Variants in SDK1 observed in about 807,000 individuals in gnomAD.
The protein encoded by SDK1 is sidekick cell adhesion molecule 1, also known as protein sidekick-1.
Under a neutral mutation model 245.5 loss-of-function variants are expected in SDK1, and 157 were observed. That is an observed-to-expected ratio of 0.64 (90% CI 0.56 to 0.73). SDK1 has a LOEUF of 0.73. SDK1 is among the 30% of genes least tolerant of loss of function. SDK1 has a pLI of 0.00. For missense variants in SDK1, 3,583 were observed against 3,002.3 expected, an observed-to-expected ratio of 1.19 and a Z score of -4.52; for synonymous variants, 1,647 against 1,278.5, an observed-to-expected ratio of 1.29 and a Z score of -6.15.
At chr7:3,531,848 G>A (rs376429764) in intron 1 of SDK1, among the ~76,000 whole-genome samples, 6 of 152,178 alleles carry the variant, frequency 3.9e-5, no homozygotes, top group South Asian at 4.2e-4. Context: ...AATACTTTGC[G>A]GTTCAGGTAA....
At chr7:4,253,270 T>C (rs1342508455) in intron 44 of SDK1, among the ~76,000 whole-genome samples, 1 of 152,186 alleles carries the variant, frequency 6.6e-6, no homozygotes, top group Non-Finnish European at 1.5e-5. Context: ...ACTTTATGGC[T>C]AAAAATTCCC....
chr7:3,348,659 C>G (rs115457382), intron 1 of SDK1, among the ~76,000 whole-genome samples: 1 of 152,054 alleles, frequency 6.6e-6, no homozygotes, highest in Non-Finnish European at 1.5e-5. Context: ...ATTTAGTATC[C>G]CCATGTAACC....
intron 1 of SDK1, among the ~76,000 whole-genome samples, chr7:3,492,670 T>C (rs1008493109): frequency 6.6e-6 from 1 of 152,214 alleles, no homozygotes; most frequent in Admixed American, 6.5e-5. Context: ...ACAAGTGCCC[T>C]GTTGCTTCCT....
chr7:3,637,086 CGTGTGTGTGTGT>C (rs57931328), intron 2 of SDK1, among the ~76,000 whole-genome samples: 17 of 148,278 alleles, frequency 1.1e-4, no homozygotes, highest in African/African-American at 4.3e-4. Flanking sequence ...TGCGTGCGCG[CGTGTGTGTGTGT>C]GTGTGTGTGT....
chr7:3,485,685 T>TTTG (rs1554278468), intron 1 of SDK1, among the ~76,000 whole-genome samples: 1 of 132,404 alleles, frequency 7.6e-6, no homozygotes, highest in African/African-American at 3.0e-5. Context: ...TTTGGAGGGT[T>TTTG]TTTTTTTTTT....
chr7:3,971,594 TG>T, intron 12 of SDK1, 26 bp downstream of exon 12: 1 of 1,501,120 alleles, frequency 6.7e-7, no homozygotes, highest in Non-Finnish European at 9.2e-7. Context: ...TACAATGCTT[TG>T]GGGCTTGTTG....
chr7:3,386,279 G>C (rs1205442415), intron 1 of SDK1, among the ~76,000 whole-genome samples: 2 of 152,134 alleles, frequency 1.3e-5, no homozygotes, highest in East Asian at 3.9e-4. Context: ...AGAAGTTTGG[G>C]TTTGGTGATA....
At chr7:4,218,504 T>C (rs1349688212) in intron 38 of SDK1, among the ~76,000 whole-genome samples, 1 of 152,200 alleles carries the variant, frequency 6.6e-6, no homozygotes, top group Non-Finnish European at 1.5e-5. Flanking sequence ...CTAGAAGATA[T>C]GTTGGAGATT....
intron 4 of SDK1, among the ~76,000 whole-genome samples, chr7:3,669,697 G>A (rs1488634277): frequency 6.6e-6 from 1 of 152,068 alleles, no homozygotes; most frequent in African/African-American, 2.4e-5. Context: ...AAGCTCATCA[G>A]CTCACATACC....
intron 1 of SDK1, among the ~76,000 whole-genome samples, chr7:3,414,103 A>C (rs899188916): frequency 6.6e-6 from 1 of 152,150 alleles, no homozygotes; most frequent in Non-Finnish European, 1.5e-5. Flanking sequence ...CTTGGAAGAC[A>C]TATTTTTGCA....
intron 5 of SDK1, among the ~76,000 whole-genome samples, chr7:3,864,182 G>T (rs1780765792): frequency 6.6e-6 from 1 of 152,132 alleles, no homozygotes; most frequent in African/African-American, 2.4e-5. Context: ...CATTCACTGT[G>T]CCTGGAACTG....
chr7:3,750,596 A>G (rs10279868), intron 4 of SDK1, among the ~76,000 whole-genome samples: 12,202 of 152,244 alleles, frequency 0.08, 1,533 homozygotes, highest in African/African-American at 0.27. Flanking sequence ...ATAGCCAAGG[A>G]GTAGTGTGGG....
chr7:3,430,874 C>T (rs994956762), intron 1 of SDK1, among the ~76,000 whole-genome samples: 1 of 152,114 alleles, frequency 6.6e-6, no homozygotes, highest in African/African-American at 2.4e-5. Flanking sequence ...AGCTTTCCTG[C>T]CTCTGGCTCT....
chr7:4,245,114 A>G (rs972809265), intron 43 of SDK1, among the ~76,000 whole-genome samples: 7 of 152,098 alleles, frequency 4.6e-5, no homozygotes, highest in African/African-American at 1.4e-4. Context: ...CCACATTCAA[A>G]GGATGGGATG....
At chr7:4,038,086 C>G (rs1434692186) in intron 17 of SDK1, among the ~76,000 whole-genome samples, 1 of 152,192 alleles carries the variant, frequency 6.6e-6, no homozygotes, top group African/African-American at 2.4e-5. Flanking sequence ...TCACTGAGAA[C>G]TGCCTGACCA....
At chr7:3,745,662 G>A (rs932450947) in intron 4 of SDK1, among the ~76,000 whole-genome samples, 20 of 151,936 alleles carry the variant, frequency 1.3e-4, no homozygotes, top group African/African-American at 3.9e-4. Context: ...TCCCTCGAGC[G>A]ACCCCTATAA....
intron 5 of SDK1, among the ~76,000 whole-genome samples, chr7:3,941,983 A>C (rs1583596708): frequency 7.1e-6 from 1 of 141,456 alleles, no homozygotes; most frequent in South Asian, 2.2e-4. Flanking sequence ...ATCTTGGCTC[A>C]CCTCAAGCTC....
chr7:4,218,813 C>T (rs1029748481), intron 38 of SDK1, among the ~76,000 whole-genome samples: 5 of 152,080 alleles, frequency 3.3e-5, no homozygotes, highest in Admixed American at 6.6e-5. Context: ...ACCTTGATAT[C>T]CTCCTCCAAG....
At chr7:3,634,012 C>T (rs1254533957) in intron 2 of SDK1, among the ~76,000 whole-genome samples, 4 of 152,132 alleles carry the variant, frequency 2.6e-5, no homozygotes, top group African/African-American at 9.7e-5. Context: ...CAGATGAGTT[C>T]TCCTTTAGCC....
Sources: allele counts gnomAD v4.1 joint callset (sites outside exome capture counted in the v4.1 genomes callset), GRCh38; gene constraint gnomAD v4.1.1; transcripts MANE v1.5; gene names NCBI Gene and HGNC (gene_info 2026-07-23, HGNC 2026-07-21).